Variants in RALYL observed in about 807,000 individuals in gnomAD.
RALYL encodes the protein RNA-binding Raly-like protein.
Under a neutral mutation model 35.1 loss-of-function variants are expected in RALYL, and 29 were observed. The ratio of observed to expected loss-of-function variants is 0.83; its 90% CI spans 0.61 to 1.13. The LOEUF (loss-of-function observed/expected upper bound fraction) is 1.13. Among genes scored for constraint, RALYL ranks in the 50% most tolerant of loss-of-function variants. RALYL has a pLI of 0.00. For synonymous variants in RALYL, 120 were observed against 127.6 expected (o/e 0.94, Z 0.40); for missense variants, 359 against 360.4 (o/e 1.00, Z 0.03).
intron 8 of RALYL, among the ~76,000 whole-genome samples, chr8:84,896,613 C>T (rs1844785388): frequency 6.6e-6 from 1 of 152,192 alleles, no homozygotes; most frequent in Non-Finnish European, 1.5e-5. Flanking sequence ...CTCCCATTCA[C>T]ACCACATCAG....
At chr8:84,543,270 T>G (rs2060133822) in intron 2 of RALYL, among the ~76,000 whole-genome samples, 1 of 152,096 alleles carries the variant, frequency 6.6e-6, no homozygotes, top group Admixed American at 6.5e-5. Context: ...TTTTATTGTT[T>G]TTTTTTGCTG....
intron 1 of RALYL, among the ~76,000 whole-genome samples, chr8:84,266,564 T>TA (rs901336849): frequency 6.6e-6 from 1 of 152,224 alleles, no homozygotes; most frequent in African/African-American, 2.4e-5. Flanking sequence ...CAGATCAGGC[T>TA]AGCCCTCTGG....
intron 5 of RALYL, among the ~76,000 whole-genome samples, chr8:84,850,506 C>T (rs1198668684): frequency 6.6e-6 from 1 of 152,016 alleles, no homozygotes; most frequent in Non-Finnish European, 1.5e-5. Flanking sequence ...TGAGACCATC[C>T]AATGAGGAAA....
intron 2 of RALYL, among the ~76,000 whole-genome samples, chr8:84,602,057 C>T (rs987290232): frequency 7.2e-5 from 11 of 152,086 alleles, no homozygotes; most frequent in African/African-American, 2.7e-4. Context: ...CATACTCTCT[C>T]TTCGTGACCT....
chr8:84,377,495 A>T (rs1857178405), intron 1 of RALYL, among the ~76,000 whole-genome samples: 1 of 104,016 alleles, frequency 9.6e-6, no homozygotes, highest in Non-Finnish European at 1.8e-5. Flanking sequence ...ATCCCATGAG[A>T]TCAGTTTTCT....
At chr8:84,486,291 A>ATAAG (rs3043857) in intron 1 of RALYL, among the ~76,000 whole-genome samples, 54,655 of 149,880 alleles carry the variant, frequency 0.36, 10,114 homozygotes, top group South Asian at 0.52. Flanking sequence ...ATACATATAT[A>ATAAG]TAATTTTAAA....
intron 1 of RALYL, among the ~76,000 whole-genome samples, chr8:84,281,534 C>G (rs758543658): frequency 4.0e-5 from 6 of 149,880 alleles, no homozygotes; most frequent in Admixed American, 6.6e-5. Context: ...TCACCTGACT[C>G]TTGCCCTACC....
intron 1 of RALYL, among the ~76,000 whole-genome samples, chr8:84,452,485 A>T (rs981753455): frequency 6.6e-6 from 1 of 151,910 alleles, no homozygotes; most frequent in African/African-American, 2.4e-5. Flanking sequence ...TTTTGTCTAT[A>T]TTAGGAAACT....
At chr8:84,355,688 G>T (rs978464955) in intron 1 of RALYL, among the ~76,000 whole-genome samples, 2 of 150,218 alleles carry the variant, frequency 1.3e-5, no homozygotes, top group East Asian at 3.9e-4. Context: ...GATAGCATGG[G>T]ATGGTCACTA....
intron 1 of RALYL, among the ~76,000 whole-genome samples, chr8:84,405,288 C>T (rs185857253): frequency 6.6e-6 from 1 of 152,038 alleles, no homozygotes; most frequent in Non-Finnish European, 1.5e-5. Flanking sequence ...CACACCATAA[C>T]AATTGAAAGA....
chr8:84,895,323 A>T (rs1453471739), intron 8 of RALYL, among the ~76,000 whole-genome samples: 2 of 150,930 alleles, frequency 1.3e-5, no homozygotes, highest in African/African-American at 2.4e-5. Flanking sequence ...AGTCTAGGTG[A>T]CCTACTGCAC....
At chr8:84,684,994 G>C (rs531340747) in intron 2 of RALYL, among the ~76,000 whole-genome samples, 1 of 152,118 alleles carries the variant, frequency 6.6e-6, no homozygotes, top group African/African-American at 2.4e-5. Context: ...GTGTGCTCAC[G>C]TGACTTCTTT....
At chr8:84,913,032 A>ATGGATAGGTAGGTAGG (rs567355226) in intron 8 of RALYL, among the ~76,000 whole-genome samples, 4 of 109,134 alleles carry the variant, frequency 3.7e-5, no homozygotes, top group Non-Finnish European at 3.8e-5. Context: ...GGATGGATGG[A>ATGGATAGGTAGGTAGG]TAGGTAGGTA....
chr8:84,443,634 C>T (rs1587318104), intron 1 of RALYL, among the ~76,000 whole-genome samples: 2 of 152,228 alleles, frequency 1.3e-5, no homozygotes, highest in East Asian at 1.9e-4. Context: ...ATCACAATCT[C>T]GATGCCTGTA....
At chr8:84,681,147 G>A (rs1429051767) in intron 2 of RALYL, among the ~76,000 whole-genome samples, 2 of 152,188 alleles carry the variant, frequency 1.3e-5, no homozygotes, top group Non-Finnish European at 2.9e-5. Context: ...GTTTGTCAAA[G>A]ATCAGATAGT....
intron 2 of RALYL, among the ~76,000 whole-genome samples, chr8:84,751,105 T>A (rs1240107741): frequency 1.3e-5 from 2 of 152,184 alleles, no homozygotes; most frequent in African/African-American, 4.8e-5. Context: ...ATGATAAGTA[T>A]GAGTGATGGC....
At chr8:84,610,237 C>T (rs1200844548) in intron 2 of RALYL, among the ~76,000 whole-genome samples, 2 of 152,022 alleles carry the variant, frequency 1.3e-5, no homozygotes, top group African/African-American at 4.8e-5. Context: ...TTATACTTAG[C>T]TGTCATGTCT....
intron 1 of RALYL, among the ~76,000 whole-genome samples, chr8:84,455,169 C>T (rs1478010884): frequency 6.6e-6 from 1 of 151,972 alleles, no homozygotes. Context: ...CTGAGTTCAT[C>T]GGTCTCCTTT....
intron 1 of RALYL, among the ~76,000 whole-genome samples, chr8:84,344,939 C>A (rs1283016846): frequency 3.9e-5 from 6 of 152,022 alleles, no homozygotes; most frequent in African/African-American, 9.7e-5. Flanking sequence ...TTTATCCATT[C>A]ATCCACTGAT....
Sources: gnomAD v4.1 joint callset for allele counts (sites outside exome capture counted in the v4.1 genomes callset) on GRCh38, gnomAD v4.1.1 for gene constraint, MANE v1.5 for transcripts, NCBI Gene and HGNC (gene_info 2026-07-23, HGNC 2026-07-21) for gene names.